TMEM117: variants seen among roughly 807,000 people sequenced by gnomAD.
TMEM117 encodes the protein transmembrane protein 117.
A neutral mutation model predicts 52.4 loss-of-function variants in TMEM117; 27 were observed. The ratio of observed to expected loss-of-function variants is 0.51; its 90% CI spans 0.38 to 0.71. The LOEUF (loss-of-function observed/expected upper bound fraction) is 0.71, where lower values mean the gene tolerates loss of function less well. Among genes scored for constraint, TMEM117 ranks in the 30% least tolerant of loss-of-function variants. The pLI is 0.00. For synonymous variants in TMEM117, 215 were observed against 206.3 expected (o/e 1.04, Z -0.36); for missense variants, 556 against 630.5 (o/e 0.88, Z 1.26).
At chr12:44,060,774 A>G (rs1412004830) in intron 3 of TMEM117, among the ~76,000 whole-genome samples, 2 of 152,206 alleles carry the variant, frequency 1.3e-5, no homozygotes, top group African/African-American at 4.8e-5. Context: ...TTTCTGAGAG[A>G]GAGACAACGA....
At chr12:44,158,871 G>T (rs113951376) in intron 4 of TMEM117, among the ~76,000 whole-genome samples, 3 of 152,306 alleles carry the variant, frequency 2.0e-5, no homozygotes, top group African/African-American at 7.2e-5. Flanking sequence ...GGCCATCAGT[G>T]TCTGCCCTGG....
intron 2 of TMEM117, among the ~76,000 whole-genome samples, chr12:43,854,277 T>C (rs1324405611): frequency 6.6e-6 from 1 of 152,072 alleles, no homozygotes; most frequent in Non-Finnish European, 1.5e-5. Flanking sequence ...TTCTGGCTTA[T>C]GTTTGTTCAG....
intron 4 of TMEM117, among the ~76,000 whole-genome samples, chr12:44,210,370 C>T (rs1369844794): frequency 6.6e-6 from 1 of 152,102 alleles, no homozygotes; most frequent in Non-Finnish European, 1.5e-5. Flanking sequence ...ATTTATAATA[C>T]TTTGGGCTTC....
chr12:44,181,785 T>C lies in TMEM117; in HGVS notation c.511-29505T>C, dbSNP rs531409101. Among the ~76,000 whole-genome samples the C allele has an allele frequency of 3.8e-3, 565 of 150,630 alleles. 7 individuals carry two copies. The highest frequency in any genetic ancestry group is 0.013 in the African/African-American group (524 of 41,014). On this transcript the variant is annotated intron_variant, in intron 4 of 7. Transcript: ENST00000266534. ...TGTAGTATAGTTTGAAGTCAGGTAGTGTGATGCCTCCAGCTTTGTTCTTTT... is the reference window on the plus strand; with the variant it reads ...TGTAGTATAGTTTGAAGTCAGGTAGCGTGATGCCTCCAGCTTTGTTCTTTT...
chr12:44,387,407 T>C (rs1265709655), intron 7 of TMEM117, among the ~76,000 whole-genome samples: 32 of 151,968 alleles, frequency 2.1e-4, no homozygotes, highest in Admixed American at 2.1e-3. Context: ...GTTCATAAGG[T>C]ATGGTTACAT....
At chr12:44,292,999 C>A (rs1210505228) in intron 5 of TMEM117, among the ~76,000 whole-genome samples, 1 of 151,788 alleles carries the variant, frequency 6.6e-6, no homozygotes, top group Non-Finnish European at 1.5e-5. Context: ...TCTGTATGAT[C>A]TATTCATTGT....
intron 4 of TMEM117, among the ~76,000 whole-genome samples, chr12:44,168,044 A>G (rs1038101510): frequency 6.6e-6 from 1 of 150,428 alleles, no homozygotes; most frequent in Non-Finnish European, 1.5e-5. Flanking sequence ...TCACAAGGTC[A>G]GGAGTTTGAG....
intron 3 of TMEM117, among the ~76,000 whole-genome samples, chr12:43,996,555 A>G (rs1250235765): frequency 6.6e-6 from 1 of 152,040 alleles, no homozygotes; most frequent in Non-Finnish European, 1.5e-5. Context: ...AGGCAGGAGA[A>G]TGGCGTGAAC....
chr12:44,094,851 TA>T (rs959037509), intron 3 of TMEM117, among the ~76,000 whole-genome samples: 3 of 152,236 alleles, frequency 2.0e-5, no homozygotes, highest in Admixed American at 2.0e-4. Flanking sequence ...TGTAAGTTCT[TA>T]CTGTGTGCCA....
At chr12:44,201,718 A>G (rs1413492248) in intron 4 of TMEM117, among the ~76,000 whole-genome samples, 1 of 152,166 alleles carries the variant, frequency 6.6e-6, no homozygotes, top group African/African-American at 2.4e-5. Flanking sequence ...ATAATTTTAA[A>G]CTCAGCCTAA....
chr12:44,161,960 A>G (rs1285450041), intron 4 of TMEM117, among the ~76,000 whole-genome samples: 1 of 152,144 alleles, frequency 6.6e-6, no homozygotes, highest in Non-Finnish European at 1.5e-5. Flanking sequence ...TGGAACATCA[A>G]GGTAGAGGAG....
At chr12:43,796,097 C>T in the TMEM117 span, among the ~76,000 whole-genome samples, 1 of 152,150 alleles carries the variant, frequency 6.6e-6, no homozygotes, top group Non-Finnish European at 1.5e-5. Context: ...CACTTGAAAG[C>T]CCTCTACAAG....
At chr12:44,002,719 A>G (rs1042242792) in intron 3 of TMEM117, among the ~76,000 whole-genome samples, 7 of 152,128 alleles carry the variant, frequency 4.6e-5, no homozygotes, top group African/African-American at 1.4e-4. Context: ...GATCCTTGAG[A>G]GTTTCCCTGG....
chr12:44,369,801 A>G (rs1460365866), intron 6 of TMEM117, among the ~76,000 whole-genome samples: 1 of 152,200 alleles, frequency 6.6e-6, no homozygotes. Context: ...TTCTCCACAG[A>G]TTTTAAATTC....
chr12:44,061,901 A>G (rs989533125), intron 3 of TMEM117, among the ~76,000 whole-genome samples: 2 of 152,136 alleles, frequency 1.3e-5, no homozygotes, highest in African/African-American at 4.8e-5. Flanking sequence ...CATGAATAAG[A>G]GGTGGTTATC....
At chr12:44,085,709 C>A (rs1346247876) in intron 3 of TMEM117, among the ~76,000 whole-genome samples, 2 of 152,204 alleles carry the variant, frequency 1.3e-5, no homozygotes, top group Non-Finnish European at 2.9e-5. Flanking sequence ...TAAATCTGTA[C>A]TACTTTGAAA....
intron 6 of TMEM117, among the ~76,000 whole-genome samples, chr12:44,342,183 G>A (rs1287566905): frequency 6.6e-6 from 1 of 152,090 alleles, no homozygotes; most frequent in Non-Finnish European, 1.5e-5. Flanking sequence ...ACAGAAGGTC[G>A]TTTGTCATGT....
rs141551256 is a variant in TMEM117, at chr12:44,234,980, A to G, written c.608+23593A>G. Among the ~76,000 whole-genome samples the G allele has an allele frequency of 9.2e-3, 1,393 of 151,644 alleles. 13 individuals are homozygous for G. Among genetic ancestry groups the G allele is most frequent in the Non-Finnish European group, 0.015 (989 of 67,592 alleles). On this transcript the variant is annotated intron_variant, in intron 5 of 7. Transcript: ENST00000266534. The stretch of plus-strand genomic sequence containing the variant: ...TATGTTTATTAACTGTGTTCAATTC[A>G]TCTATATTTTTACCATTTTTATGTG...
At chr12:43,850,502 T>C (rs890117186) in intron 2 of TMEM117, among the ~76,000 whole-genome samples, 1 of 152,210 alleles carries the variant, frequency 6.6e-6, no homozygotes, top group African/African-American at 2.4e-5. Flanking sequence ...AGTGTTTTTT[T>C]GCGTATGTGC....
Sources: allele counts gnomAD v4.1 joint callset (sites outside exome capture counted in the v4.1 genomes callset), GRCh38; gene constraint gnomAD v4.1.1; transcripts MANE v1.5; gene names NCBI Gene and HGNC (gene_info 2026-07-23, HGNC 2026-07-21).